The following MOCOS variants were observed in gnomAD, a reference collection of about 807,000 sequenced individuals.
MOCOS encodes molybdenum cofactor sulfurase, also known as human molybdenum cofactor sulfurase.
In MOCOS, 86 loss-of-function variants were observed where a neutral mutation model predicts 83.6. The ratio of observed to expected loss-of-function variants is 1.03; its 90% CI spans 0.86 to 1.23. MOCOS has a LOEUF of 1.23. Ranked by LOEUF, MOCOS falls within the 50% of genes most tolerant of loss-of-function variation. The pLI, the probability that MOCOS is intolerant of heterozygous loss-of-function variation, is 0.00. For synonymous variants in MOCOS, 445 were observed against 434.7 expected (o/e 1.02, Z -0.29); for missense variants, 1,120 against 1,126.9 (o/e 0.99, Z 0.09).
intron 14 of MOCOS, 59 bp downstream of exon 14, chr18:36,266,912 A>C: frequency 1.5e-6 from 2 of 1,348,482 alleles, no homozygotes; most frequent in Non-Finnish European, 2.1e-6. Context: ...TCAATACCAG[A>C]ACTATGTTCA....
At chr18:36,261,397 G>T (rs973662228) in intron 13 of MOCOS, among the ~76,000 whole-genome samples, 4 of 152,004 alleles carry the variant, frequency 2.6e-5, no homozygotes, top group African/African-American at 9.7e-5. Flanking sequence ...ATCTCAAAAT[G>T]CTTCTGGTGT....
chr18:36,198,825 T>C (rs1022019181), intron 3 of MOCOS, 69 bp downstream of exon 3: 68 of 1,531,654 alleles, frequency 4.4e-5, no homozygotes, highest in Non-Finnish European at 6.0e-5. Context: ...AGGACTTGCC[T>C]GCATCCCACA....
At chr18:36,248,895 A>G in intron 9 of MOCOS, 27 bp from the exon 10 acceptor site, 3 of 1,588,826 alleles carry the variant, frequency 1.9e-6, no homozygotes, top group Non-Finnish European at 2.6e-6. Flanking sequence ...CATAATGATA[A>G]ATTTGTTTTT....
chr18:36,260,779 C>T (rs757519312), intron 13 of MOCOS, among the ~76,000 whole-genome samples: 4 of 151,852 alleles, frequency 2.6e-5, no homozygotes, highest in Non-Finnish European at 4.4e-5. Context: ...TTGACAAGGC[C>T]CTACGAGATC....
chr18:36,220,933 GAAA>G (rs71712889), intron 9 of MOCOS, among the ~76,000 whole-genome samples: 1 of 144,832 alleles, frequency 6.9e-6, no homozygotes, highest in African/African-American at 2.5e-5. Flanking sequence ...TGTCTCAAAA[GAAA>G]AAAAAAAAAA....
chr18:36,232,913 T>C (rs112054833), intron 9 of MOCOS, among the ~76,000 whole-genome samples: 12 of 151,710 alleles, frequency 7.9e-5, no homozygotes, highest in African/African-American at 2.9e-4. Flanking sequence ...CATTCATTAA[T>C]TGATGAACAC....
chr18:36,195,484 G>A (rs1313313598), intron 2 of MOCOS, 138 bp downstream of exon 2: 1 of 780,060 alleles, frequency 1.3e-6, no homozygotes, highest in African/African-American at 1.7e-5. Flanking sequence ...ATAGGGGCCA[G>A]GCAAGCACCC....
intron 14 of MOCOS, 75 bp downstream of exon 14, chr18:36,266,928 G>A: frequency 4.8e-6 from 6 of 1,241,730 alleles, no homozygotes; most frequent in Non-Finnish European, 7.0e-6. Context: ...GTTCATAATA[G>A]CACAGAGTTA....
intron 1 of MOCOS, 54 bp from the exon 2 acceptor site, chr18:36,195,203 T>C: frequency 1.3e-6 from 2 of 1,509,346 alleles, no homozygotes; most frequent in Non-Finnish European, 1.8e-6. Flanking sequence ...TGGTTGGGCT[T>C]ACACAAACCA....
intron 13 of MOCOS, among the ~76,000 whole-genome samples, chr18:36,260,431 T>C (rs1037772559): frequency 5.3e-5 from 8 of 152,246 alleles, no homozygotes; most frequent in Admixed American, 4.6e-4. Flanking sequence ...ACACTGCCTC[T>C]GTGCTGTCGT....
At chr18:36,238,864 A>C in intron 9 of MOCOS, among the ~76,000 whole-genome samples, 1 of 137,744 alleles carries the variant, frequency 7.3e-6, no homozygotes, top group Admixed American at 7.5e-5. Flanking sequence ...CTTCTTGTTG[A>C]ATTGATCCCT....
intron 3 of MOCOS, among the ~76,000 whole-genome samples, chr18:36,199,155 T>C (rs2091401609): frequency 6.6e-6 from 1 of 152,224 alleles, no homozygotes; most frequent in Non-Finnish European, 1.5e-5. Flanking sequence ...TTTTTCCCTT[T>C]TCCCCCCTTT....
chr18:36,232,781 A>G (rs2144934022), intron 9 of MOCOS, among the ~76,000 whole-genome samples: 1 of 151,936 alleles, frequency 6.6e-6, no homozygotes, highest in East Asian at 1.9e-4. Context: ...ACTTAACATA[A>G]TGTCCTTCAG....
At chr18:36,208,456 T>A (rs926611248) in intron 6 of MOCOS, among the ~76,000 whole-genome samples, 1 of 152,160 alleles carries the variant, frequency 6.6e-6, no homozygotes, top group Non-Finnish European at 1.5e-5. Context: ...CATTTGTTTG[T>A]GTGGTGTGTG....
rs751808609 is a variant in MOCOS, at chr18:36,205,078, T to C, written c.1020T>C (p.Gly340=). The change falls in exon 6 of 15, where the codon GGT becomes GGC. Residue 340 remains glycine, a splice_region_variant and synonymous_variant. Transcript: ENST00000261326. ...CTTGTGTTTCATGATTGATTTGAGG[T>C]GGAATGGAGAATATAAAGCAGCACA... ...HGFDTLERLT[G]GMENIKQHTF... is the part of the protein sequence containing the mutation. 1 of 1,605,416 alleles carries C rather than the reference T, an allele frequency of 6.2e-7. No homozygotes were observed. The highest frequency in any genetic ancestry group is 2.2e-5 in the East Asian group (1 of 44,680).
chr18:36,201,662 C>CAAAAAAAAAAA (rs1568050276), intron 4 of MOCOS, among the ~76,000 whole-genome samples: 288 of 2,444 alleles, frequency 0.12, 10 homozygotes, highest in African/African-American at 0.19. Context: ...GACTCCATCT[C>CAAAAAAAAAAA]CAAAAAAAAA....
At chr18:36,194,901 G>A (rs1349019793) in intron 1 of MOCOS, among the ~76,000 whole-genome samples, 3 of 152,188 alleles carry the variant, frequency 2.0e-5, no homozygotes, top group Non-Finnish European at 4.4e-5. Context: ...TCTCCCCTCA[G>A]GGACTCCTCC....
At chr18:36,252,875 G>T (rs2091627180) in intron 11 of MOCOS, among the ~76,000 whole-genome samples, 1 of 152,210 alleles carries the variant, frequency 6.6e-6, no homozygotes, top group African/African-American at 2.4e-5. Context: ...AGTTTTTAAA[G>T]TTCTGATGAT....
At chr18:36,225,509 A>C (rs557436336) in intron 9 of MOCOS, among the ~76,000 whole-genome samples, 1 of 151,998 alleles carries the variant, frequency 6.6e-6, no homozygotes, top group Non-Finnish European at 1.5e-5. Context: ...CAAAAATCCA[A>C]CTTAGTTTTG....
Sources: gnomAD v4.1 joint callset for allele counts (sites outside exome capture counted in the v4.1 genomes callset) on GRCh38, gnomAD v4.1.1 for gene constraint, MANE v1.5 for transcripts, NCBI Gene and HGNC (gene_info 2026-07-23, HGNC 2026-07-21) for gene names.